ZNF571: variants seen among roughly 807,000 people sequenced by gnomAD.
ZNF571 encodes the protein zinc finger protein 571.
Under a neutral mutation model 7.7 loss-of-function variants are expected in ZNF571, and 4 were observed. The ratio of observed to expected loss-of-function variants is 0.52; its 90% confidence interval spans 0.25 to 1.18. The LOEUF (loss-of-function observed/expected upper bound fraction) is 1.18, where lower values mean the gene tolerates loss of function less well. ZNF571 is among the 50% of genes most tolerant of loss of function. ZNF571 has a pLI of 0.14. For synonymous variants in ZNF571, 251 were observed against 232.4 expected (o/e 1.08, Z -0.73); for missense variants, 704 against 726.9 (o/e 0.97, Z 0.36).
intron 1 of ZNF571, among the ~76,000 whole-genome samples, chr19:37,587,856 C>A (rs1000800438): frequency 6.6e-6 from 1 of 151,952 alleles, no homozygotes; most frequent in African/African-American, 2.4e-5. Context: ...CAGTGGCTCA[C>A]GCCTGTAGTC....
intron 3 of ZNF571, chr19:37,575,723 T>C (rs1038775362): frequency 1.3e-5 from 2 of 152,240 alleles, no homozygotes; most frequent in Non-Finnish European, 2.9e-5. Flanking sequence ...ATCACTGTGA[T>C]GGTGTCACAC....
At chr19:37,567,420 T>C (rs2042898853) in intron 3 of ZNF571, among the ~76,000 whole-genome samples, 1 of 152,212 alleles carries the variant, frequency 6.6e-6, no homozygotes, top group African/African-American at 2.4e-5. Context: ...TGGTTTACCC[T>C]TGTATTTAGA....
intron 3 of ZNF571, among the ~76,000 whole-genome samples, chr19:37,574,682 T>C (rs2043183614): frequency 6.6e-6 from 1 of 152,180 alleles, no homozygotes; most frequent in Non-Finnish European, 1.5e-5. Flanking sequence ...AGCACCAGTT[T>C]TAGTAGATAT....
rs559769207 is a variant in ZNF571 at position 37,569,325 on chromosome 19, G to A, written c.137-3034C>T. 6.6e-6 allele frequency among the ~76,000 whole-genome samples: 1 copy of A among 152,170 alleles called. No homozygotes were observed. The highest frequency in any genetic ancestry group is 1.9e-4 in the East Asian group (1 of 5,184). ...GACCCTTTGTTCTAATCTCCATCTG[G>A]CAGATAGAATGGAATAGTAAATATG... is the stretch of plus-strand genomic sequence containing the variant. On this transcript the variant is annotated intron_variant, in intron 3 of 3. Coordinates refer to ENST00000451802, the MANE Select transcript of ZNF571 (RefSeq NM_016536.5). The surrounding 1 kb of genome is among the most constrained non-coding windows in gnomAD (Gnocchi z 4.4).
chr19:37,584,057 TGA>T lies in ZNF571; in HGVS notation c.48_49del (p.Gln17GlyfsTer47). 1.9e-6 allele frequency: 3 copies of T among 1,614,130 alleles called. No homozygotes were observed. Among genetic ancestry groups the T allele is most frequent in the Middle Eastern group, 3.3e-4 (2 of 6,062 alleles). On this transcript the variant is annotated frameshift_variant, in exon 3 of 4. Coordinates refer to ENST00000451802, the MANE Select transcript of ZNF571 (RefSeq NM_016536.5). LOFTEE classifies it high-confidence loss of function. ...AGGGTCCAGGCATTCCCATTCCTCCTGAGAGAAGTCAATGGCCACATCCCTGA... is the reference window on the plus strand; with the variant it reads ...AGGGTCCAGGCATTCCCATTCCTCCTGAGAAGTCAATGGCCACATCCCTGA...
intron 1 of ZNF571, among the ~76,000 whole-genome samples, chr19:37,590,539 CTATAGT>C (rs2043839426): frequency 6.6e-6 from 1 of 152,072 alleles, no homozygotes; most frequent in Admixed American, 6.5e-5. Context: ...AATAAATGAA[CTATAGT>C]TATAGTCCCC....
chr19:37,589,308 G>A (rs371627195), intron 1 of ZNF571, among the ~76,000 whole-genome samples: 10 of 150,814 alleles, frequency 6.6e-5, no homozygotes, highest in Non-Finnish European at 1.2e-4. Context: ...ATGAATAAAT[G>A]TTCCTACATT....
At chr19:37,566,377 T>C in intron 3 of ZNF571, 86 bp from the exon 4 acceptor site, 15 of 1,443,252 alleles carry the variant, frequency 1.0e-5, no homozygotes, top group Non-Finnish European at 1.4e-5. Context: ...ATGAAAATAA[T>C]TCTCATTAAG....
At chr19:37,586,573 G>A (rs2306201) in intron 2 of ZNF571, 95 bp downstream of exon 2, 497,843 of 1,478,060 alleles carry the variant, frequency 0.34, 90,391 homozygotes, top group Non-Finnish European at 0.38. Flanking sequence ...TTCCCTTAAG[G>A]AACCAAACAA....
intron 2 of ZNF571, chr19:37,585,953 T>C (rs2043658378): frequency 6.6e-6 from 1 of 152,176 alleles, no homozygotes; most frequent in South Asian, 2.1e-4. Context: ...ACCCCAGGGA[T>C]CGTGGACAGC....
At chr19:37,594,358 G>A (rs975221423) in intron 1 of ZNF571, 6 of 152,460 alleles carry the variant, frequency 3.9e-5, no homozygotes, top group African/African-American at 1.2e-4. Context: ...CCCACCCCGC[G>A]GCCGCACAAG....
chr19:37,589,711 C>G (rs2043806398), intron 1 of ZNF571, among the ~76,000 whole-genome samples: 1 of 151,256 alleles, frequency 6.6e-6, no homozygotes, highest in South Asian at 2.1e-4. Flanking sequence ...CAAAAAAATG[C>G]AAAAATTAGC....
intron 3 of ZNF571, among the ~76,000 whole-genome samples, chr19:37,571,455 C>G (rs2043048623): frequency 6.6e-6 from 1 of 152,252 alleles, no homozygotes; most frequent in African/African-American, 2.4e-5. Context: ...GAGATCACAC[C>G]ACTGCACTCC....
intron 1 of ZNF571, among the ~76,000 whole-genome samples, chr19:37,593,313 C>A (rs756555725): frequency 1.8e-4 from 27 of 152,030 alleles, no homozygotes; most frequent in Non-Finnish European, 3.1e-4. Context: ...TGTTGGGGTT[C>A]GTATTATTCT....
chr19:37,569,203 C>G lies in ZNF571; in HGVS notation c.137-2912G>C, dbSNP rs1159207950. On this transcript the variant is annotated intron_variant, in intron 3 of 3. Transcript: ENST00000451802. The surrounding 1 kb of genome is among the most constrained non-coding windows in gnomAD (Gnocchi z 4.4). ...CCTGGCCTCAAGTGATCCACCTGCCCCGGACTCCCACAGCACTAGGATTAC... is the reference window on the plus strand; with the variant it reads ...CCTGGCCTCAAGTGATCCACCTGCCGCGGACTCCCACAGCACTAGGATTAC... Among the ~76,000 whole-genome samples, 1 of 151,992 alleles carries G rather than the reference C, an allele frequency of 6.6e-6. No individual in the cohort carries two copies. The highest frequency in any genetic ancestry group is 6.6e-5 in the Admixed American group (1 of 15,254).
At position 37,564,651 on chromosome 19, in the gene ZNF571, T is replaced by C. The variant is rs16973890; in HGVS notation, c.1777A>G (p.Lys593Glu). 5.9e-3 allele frequency: 9,378 copies of C among 1,598,528 alleles called. 260 individuals are homozygous for C. In the Admixed American group the frequency reaches 0.067, roughly 11 times the overall value. ...AGTTGTGAAGGACATCTAAAGTCTT[T>C]ACCACACTGGACACATGTATAGGGT... ...EKPYTCVQCG[K>E]DFRCPSQLTQ... is the part of the protein sequence containing the mutation. Residue 593 changes from lysine to glutamate, a missense_variant, in exon 4 of 4, where the codon AAA becomes GAA. By Grantham distance (56) the Lys-to-Glu change is moderately conservative (BLOSUM62 1). Transcript: ENST00000451802.
At chr19:37,582,267 C>T (rs970415779) in intron 3 of ZNF571, among the ~76,000 whole-genome samples, 2 of 152,192 alleles carry the variant, frequency 1.3e-5, no homozygotes, top group Non-Finnish European at 2.9e-5. Context: ...GTCACCAACA[C>T]CCTTCATCCT....
chr19:37,580,149 C>T (rs540415286), intron 3 of ZNF571, among the ~76,000 whole-genome samples: 3 of 152,312 alleles, frequency 2.0e-5, no homozygotes, highest in African/African-American at 7.2e-5. Flanking sequence ...TGACTAGCAA[C>T]CCTACATGGA....
At chr19:37,568,214 A>G (rs1166016558) in intron 3 of ZNF571, among the ~76,000 whole-genome samples, 1 of 152,322 alleles carries the variant, frequency 6.6e-6, no homozygotes, top group African/African-American at 2.4e-5. Context: ...AATACACATC[A>G]GTAAGCTCAA....
Sources: allele counts gnomAD v4.1 joint callset (sites outside exome capture counted in the v4.1 genomes callset), GRCh38; gene constraint gnomAD v4.1.1; non-coding constraint Gnocchi (gnomAD v3.1); transcripts MANE v1.5; gene names NCBI Gene and HGNC (gene_info 2026-07-23, HGNC 2026-07-21).